The following DOCK10 variants were observed in gnomAD, a reference collection of about 807,000 sequenced individuals.
DOCK10 encodes dedicator of cytokinesis 10.
DOCK10 carries 145 observed loss-of-function variants against 280.1 expected under a neutral mutation model. That is an observed-to-expected ratio of 0.52 (90% CI 0.45 to 0.59). The LOEUF is 0.59. Among genes scored for constraint, DOCK10 ranks in the 20% least tolerant of loss-of-function variants. The pLI, the probability that DOCK10 is intolerant of heterozygous loss-of-function variation, is 0.00. For synonymous variants in DOCK10, 915 were observed against 942.2 expected (o/e 0.97, Z 0.53); for missense variants, 2,368 against 2,651.7 (o/e 0.89, Z 2.35).
intron 1 of DOCK10, among the ~76,000 whole-genome samples, chr2:224,974,891 A>T (rs1705340329): frequency 8.0e-6 from 1 of 125,010 alleles, no homozygotes; most frequent in Non-Finnish European, 1.8e-5. Context: ...TGTGATATGT[A>T]TTTATCTATA....
intron 28 of DOCK10, among the ~76,000 whole-genome samples, chr2:224,822,972 A>T (rs1264521964): frequency 1.3e-5 from 2 of 150,436 alleles, no homozygotes; most frequent in Admixed American, 6.6e-5. Flanking sequence ...CTCTAACCTT[A>T]GTTTTTTTTT....
intron 6 of DOCK10, 88 bp from the exon 7 acceptor site, chr2:224,885,893 GTGCTA>G: frequency 6.6e-7 from 1 of 1,526,046 alleles, no homozygotes; most frequent in African/African-American, 1.4e-5. Context: ...TCCTTCAGGA[GTGCTA>G]TATTTCTAGG....
rs2125565012 is a variant in DOCK10, at chr2:224,854,951, T to G, written c.1888+12A>C. On this transcript the variant is annotated intron_variant, in intron 16 of 55. Coordinates refer to ENST00000258390, the MANE Select transcript of DOCK10 (RefSeq NM_014689.3). ...AAAACTCTGCAACCAAACCATGACA[T>G]CATCATCATACTTGGATGCTCCAAG... The G allele has an allele frequency of 1.9e-6, 3 of 1,590,364 alleles. No individual in the cohort carries two copies. In the African/African-American group the frequency reaches 4.0e-5, roughly 21 times the overall value.
intron 1 of DOCK10, among the ~76,000 whole-genome samples, chr2:224,934,516 G>C (rs1026435824): frequency 1.3e-5 from 2 of 152,220 alleles, no homozygotes; most frequent in African/African-American, 4.8e-5. Context: ...TTAGGCCAAA[G>C]TTGTCACAGA....
intron 1 of DOCK10, among the ~76,000 whole-genome samples, chr2:225,013,161 C>T (rs1689490710): frequency 6.6e-6 from 1 of 152,072 alleles, no homozygotes; most frequent in Non-Finnish European, 1.5e-5. Context: ...CTGATTAGTC[C>T]TTTGAGTTAG....
At chr2:224,829,380 T>C (rs1695074590) in intron 27 of DOCK10, among the ~76,000 whole-genome samples, 1 of 152,180 alleles carries the variant, frequency 6.6e-6, no homozygotes, top group South Asian at 2.1e-4. Flanking sequence ...TCTGTGGAGG[T>C]ATCCTAGTGG....
At chr2:224,858,414 T>G (rs566732700) in intron 14 of DOCK10, among the ~76,000 whole-genome samples, 4 of 152,054 alleles carry the variant, frequency 2.6e-5, no homozygotes, top group African/African-American at 9.6e-5. Context: ...ATCCCGGCAC[T>G]TTGGAAGGCT....
chr2:224,839,972 AT>A lies in DOCK10; in HGVS notation c.2761del (p.Ile921Ter). The A allele has an allele frequency of 6.5e-7, 1 of 1,531,880 alleles. No homozygotes were observed. The highest frequency in any genetic ancestry group is 8.9e-7 in the Non-Finnish European group (1 of 1,126,896). 94.9% of individuals were successfully genotyped at this position (1,531,880 alleles called of 1,614,324 possible). A position where few individuals can be genotyped will look rare whatever the true frequency, so the allele number is the denominator to read the frequency against. On this transcript the variant is annotated frameshift_variant, in exon 24 of 56. Transcript: ENST00000258390. LOFTEE classifies it high-confidence loss of function. ...KVLVQNEEDE[I>X]TTTVTRVLTD... ...TGGATACCTGGTGACAGTTGTAGTT[AT>A]TTCATCTTCCTCATTCTGTACCAGA...
chr2:224,836,276 A>C (rs942049440), intron 25 of DOCK10, among the ~76,000 whole-genome samples: 17 of 152,258 alleles, frequency 1.1e-4, no homozygotes, highest in African/African-American at 3.9e-4. Flanking sequence ...ACTCTATAAA[A>C]CTAAGCTATG....
intron 6 of DOCK10, 127 bp downstream of exon 6, chr2:224,885,936 T>C: frequency 1.3e-6 from 2 of 1,496,504 alleles, no homozygotes; most frequent in Non-Finnish European, 1.8e-6. Context: ...AGCATCCTAC[T>C]TCCTCATAAA....
chr2:224,806,083 G>T, intron 34 of DOCK10, 43 bp downstream of exon 34: 2 of 1,143,596 alleles, frequency 1.7e-6, no homozygotes, highest in Non-Finnish European at 1.3e-6. Flanking sequence ...ATGTAAAGGT[G>T]GATGAGTGTT....
intron 51 of DOCK10, 126 bp from the exon 52 acceptor site, chr2:224,775,241 G>T: frequency 1.2e-6 from 1 of 816,616 alleles, no homozygotes. Flanking sequence ...AAAATGGGCA[G>T]TCACATCATT....
chr2:224,781,042 GCCTTTGGTGAGTGCTA>G (rs1691298032), intron 50 of DOCK10, among the ~76,000 whole-genome samples: 1 of 152,170 alleles, frequency 6.6e-6, no homozygotes, highest in Admixed American at 6.5e-5. Flanking sequence ...TAAACAGATG[GCCTTTGGTGAGTGCTA>G]GCTATGTTGA....
Position 224,775,057 on chromosome 2 carries a change from G to A in DOCK10, c.5861C>T (p.Pro1954Leu), listed in dbSNP as rs771744068. The A allele has an allele frequency of 2.1e-5, 34 of 1,613,890 alleles. No individual in the cohort carries two copies. The highest frequency in any genetic ancestry group is 2.8e-5 in the Non-Finnish European group (33 of 1,179,898). ...TTCGATTTCCTTTTCCTCAAAGAAC[G>A]GCGTCACATAGGTCACCTGGATGTA... ...YAYIQVTYVT[P>L]FFEEKEIEDR... Residue 1954 changes from proline to leucine, a missense_variant, in exon 52 of 56, where the codon CCG becomes CTG. Around this residue, in one of 2 missense-constraint regions of DOCK10, gnomAD observed 1,159 missense variants for 1,400.8 expected, o/e 0.83. Transcript: ENST00000258390.
intron 2 of DOCK10, among the ~76,000 whole-genome samples, chr2:224,924,762 G>C (rs192628511): frequency 3.9e-4 from 59 of 152,292 alleles, no homozygotes; most frequent in African/African-American, 1.3e-3. Flanking sequence ...TAAACAACCA[G>C]AACTGTTTCA....
intron 1 of DOCK10, among the ~76,000 whole-genome samples, chr2:225,016,061 T>C (rs1198723245): frequency 1.3e-5 from 2 of 152,198 alleles, no homozygotes; most frequent in African/African-American, 2.4e-5. Flanking sequence ...TCTTCACAAA[T>C]TGTTTATGTA....
intron 1 of DOCK10, among the ~76,000 whole-genome samples, chr2:224,957,081 G>A (rs1259696150): frequency 6.6e-6 from 1 of 152,100 alleles, no homozygotes; most frequent in Admixed American, 6.5e-5. Flanking sequence ...GTGTGTGGGG[G>A]TGTCCCTTGT....
rs879598680 is a variant in DOCK10, at chr2:224,886,886, A to ACCCCCC, written c.417-356_417-355insGGGGGG. 2.8e-3 allele frequency among the ~76,000 whole-genome samples: 373 copies of ACCCCCC among 135,040 alleles called. 11 individuals are homozygous for ACCCCCC. The highest frequency in any genetic ancestry group is 6.6e-3 in the African/African-American group (217 of 32,848). The allele number at this position is 135,040 out of a possible 152,430, so 88.6% of individuals were successfully genotyped here. ...TCTCATGCTGCATGCAGCACCCCCA[A>ACCCCCC]CACCCCCCCAAGTAGTACCTGGGAT... On this transcript the variant is annotated intron_variant, in intron 4 of 55. Coordinates refer to ENST00000258390, the MANE Select transcript of DOCK10 (RefSeq NM_014689.3).
intron 26 of DOCK10, among the ~76,000 whole-genome samples, chr2:224,832,949 T>G (rs945690997): frequency 2.0e-5 from 3 of 152,098 alleles, no homozygotes; most frequent in African/African-American, 7.2e-5. Context: ...GCTTCCAATC[T>G]CCTGAAACCC....
Sources: allele counts gnomAD v4.1 joint callset (sites outside exome capture counted in the v4.1 genomes callset), GRCh38; gene constraint gnomAD v4.1.1; regional missense constraint gnomAD v4.1.1; transcripts MANE v1.5; gene names NCBI Gene and HGNC (gene_info 2026-07-23, HGNC 2026-07-21).